BABAM2: variants seen among roughly 807,000 people sequenced by gnomAD.
The protein encoded by BABAM2 is BRISC and BRCA1 A complex member 2, also known as BRISC and BRCA1-A complex member 2.
A neutral mutation model predicts 54.7 loss-of-function variants in BABAM2; 31 were observed. The ratio of observed to expected loss-of-function variants is 0.57; its 90% CI spans 0.43 to 0.77. The LOEUF (loss-of-function observed/expected upper bound fraction) is 0.77. Among genes scored for constraint, BABAM2 ranks in the 30% least tolerant of loss-of-function variants. The probability of loss-of-function intolerance (pLI) is 0.00; values close to 1 mark genes in which losing one functional copy is unlikely to be tolerated. For synonymous variants in BABAM2, 167 were observed against 162.9 expected (o/e 1.03, Z -0.19); for missense variants, 364 against 455.8 (o/e 0.80, Z 1.83).
intron 5 of BABAM2, among the ~76,000 whole-genome samples, chr2:28,044,663 CGCTT>C (rs1447435062): frequency 6.6e-6 from 1 of 152,154 alleles, no homozygotes; most frequent in Non-Finnish European, 1.5e-5. Context: ...TATTTGTAAA[CGCTT>C]GCTATGTTTT....
intron 6 of BABAM2, 63 bp downstream of exon 6, chr2:28,045,862 A>G (rs371499838): frequency 1.6e-6 from 2 of 1,274,018 alleles, no homozygotes; most frequent in Non-Finnish European, 1.1e-6. Flanking sequence ...TATTTAACTC[A>G]ATATTTGTAT....
intron 6 of BABAM2, among the ~76,000 whole-genome samples, chr2:28,126,007 C>T (rs1267488684): frequency 6.6e-6 from 1 of 152,168 alleles, no homozygotes; most frequent in East Asian, 1.9e-4. Flanking sequence ...AAGCTACCTA[C>T]ACACACAGTT....
chr2:28,330,373 G>A (rs1171469523), intron 11 of BABAM2, among the ~76,000 whole-genome samples: 1 of 152,208 alleles, frequency 6.6e-6, no homozygotes, highest in Non-Finnish European at 1.5e-5. Flanking sequence ...TATTCAATAG[G>A]AAGAGAGTTA....
chr2:28,019,966 T>C (rs1341356448), intron 4 of BABAM2, among the ~76,000 whole-genome samples: 2 of 152,220 alleles, frequency 1.3e-5, no homozygotes, highest in Non-Finnish European at 2.9e-5. Flanking sequence ...AGTAAGACTT[T>C]GCATTTAGAT....
chr2:28,051,777 T>TA (rs1678017336), intron 6 of BABAM2, among the ~76,000 whole-genome samples: 1 of 152,046 alleles, frequency 6.6e-6, no homozygotes, highest in South Asian at 2.1e-4. Context: ...GCCTTCCGAC[T>TA]AGCTGGGATT....
At chr2:27,972,118 C>G (rs2148453237) in intron 3 of BABAM2, among the ~76,000 whole-genome samples, 1 of 152,230 alleles carries the variant, frequency 6.6e-6, no homozygotes, top group Non-Finnish European at 1.5e-5. Context: ...GAATCAACAA[C>G]ATGTATATTA....
At chr2:28,058,182 T>C (rs1558297134) in intron 6 of BABAM2, among the ~76,000 whole-genome samples, 1 of 152,046 alleles carries the variant, frequency 6.6e-6, no homozygotes, top group African/African-American at 2.4e-5. Flanking sequence ...CAAGCATTTT[T>C]TTAGGTGGCA....
chr2:27,968,508 G>A (rs953177254), intron 3 of BABAM2, among the ~76,000 whole-genome samples: 6 of 152,220 alleles, frequency 3.9e-5, no homozygotes, highest in African/African-American at 1.2e-4. Context: ...GAAATGTGGG[G>A]TTGGAGCCCC....
chr2:28,028,129 G>T (rs1051273482), intron 5 of BABAM2, among the ~76,000 whole-genome samples: 6 of 152,084 alleles, frequency 3.9e-5, no homozygotes, highest in African/African-American at 7.3e-5. Context: ...GCATTTAATA[G>T]TTGGCGTAGT....
At chr2:27,919,670 A>C (rs1205696487) in intron 2 of BABAM2, among the ~76,000 whole-genome samples, 1 of 152,210 alleles carries the variant, frequency 6.6e-6, no homozygotes, top group African/African-American at 2.4e-5. Flanking sequence ...AGAAAGGTTG[A>C]AAATTAATAA....
At chr2:28,315,955 G>C (rs891205397) in intron 11 of BABAM2, among the ~76,000 whole-genome samples, 2 of 152,102 alleles carry the variant, frequency 1.3e-5, no homozygotes, top group Non-Finnish European at 2.9e-5. Flanking sequence ...TTTGGCTTGG[G>C]TTCTTTCACC....
At chr2:28,081,589 A>G (rs1251428153) in intron 6 of BABAM2, among the ~76,000 whole-genome samples, 4 of 152,216 alleles carry the variant, frequency 2.6e-5, no homozygotes, top group Non-Finnish European at 4.4e-5. Context: ...GCACATCTTA[A>G]GAGTCTGCAT....
At chr2:28,318,828 C>G (rs1482849909) in intron 11 of BABAM2, among the ~76,000 whole-genome samples, 3 of 152,142 alleles carry the variant, frequency 2.0e-5, no homozygotes, top group Non-Finnish European at 4.4e-5. Context: ...AGGTGGGACA[C>G]CCATTTGTGC....
At chr2:28,211,839 T>TCC (rs1174702141) in intron 7 of BABAM2, among the ~76,000 whole-genome samples, 5 of 152,220 alleles carry the variant, frequency 3.3e-5, no homozygotes, top group African/African-American at 9.6e-5. Flanking sequence ...ATACTGATAT[T>TCC]ATATATAACA....
rs538567031 is a variant in BABAM2 at position 28,023,674 on chromosome 2, A to G, written c.301-1552A>G. 4.6e-5 allele frequency among the ~76,000 whole-genome samples: 7 copies of G among 152,308 alleles called. No individual in the cohort carries two copies. The South Asian group carries it at 6.2e-4, about 14-fold the overall frequency. ...GAACATCCTAAGACCCGTTTTTCCT[A>G]TAAATGAAAGAACACTTATGAATTT... is the stretch of plus-strand genomic sequence containing the variant. On this transcript the variant is annotated intron_variant, in intron 4 of 11. Coordinates refer to ENST00000379624, the MANE Select transcript of BABAM2 (RefSeq NM_199191.3).
At chr2:28,069,402 G>A (rs553560377) in intron 6 of BABAM2, among the ~76,000 whole-genome samples, 3 of 152,278 alleles carry the variant, frequency 2.0e-5, no homozygotes, top group African/African-American at 7.2e-5. Context: ...CCTATCTAAT[G>A]TACTTCCAGA....
chr2:28,040,626 G>A (rs984062263), intron 5 of BABAM2, among the ~76,000 whole-genome samples: 2 of 152,032 alleles, frequency 1.3e-5, no homozygotes, highest in East Asian at 3.9e-4. Flanking sequence ...GAGTCTTAGC[G>A]TTCAACATTT....
intron 7 of BABAM2, among the ~76,000 whole-genome samples, chr2:28,232,502 C>G (rs1388132578): frequency 1.4e-4 from 22 of 152,164 alleles, no homozygotes; most frequent in Admixed American, 1.4e-3. Flanking sequence ...GCAGTATTGT[C>G]GTTGTGCAAA....
chr2:27,938,026 T>G (rs75120240), intron 3 of BABAM2, among the ~76,000 whole-genome samples: 4,366 of 152,288 alleles, frequency 0.029, 221 homozygotes, highest in African/African-American at 0.1. Context: ...TTCATGTGGA[T>G]ATGCAGTTTT....
Sources: gnomAD v4.1 joint callset for allele counts (sites outside exome capture counted in the v4.1 genomes callset) on GRCh38, gnomAD v4.1.1 for gene constraint, MANE v1.5 for transcripts, NCBI Gene and HGNC (gene_info 2026-07-23, HGNC 2026-07-21) for gene names.